Variants in HNF4A observed in about 807,000 individuals in gnomAD.
HNF4A encodes the protein hepatocyte nuclear factor 4-alpha.
HNF4A carries 15 observed loss-of-function variants against 52.4 expected under a neutral mutation model. The ratio of observed to expected loss-of-function variants is 0.29; its 90% CI spans 0.19 to 0.44. The LOEUF is 0.44. Among genes scored for constraint, HNF4A ranks in the 20% least tolerant of loss-of-function variants. The probability of loss-of-function intolerance (pLI) is 1.00; values close to 1 mark genes in which losing one functional copy is unlikely to be tolerated. For missense variants in HNF4A, 479 were observed against 647.2 expected, an observed-to-expected ratio of 0.74 and a Z score of 2.82; for synonymous variants, 280 against 264.4, an observed-to-expected ratio of 1.06 and a Z score of -0.57.
chr20:44,395,156 A>AAAGCTC lies in HNF4A; in HGVS notation c.50-10900_50-10895dup, dbSNP rs568068566. Among the ~76,000 whole-genome samples the AAAGCTC allele has an allele frequency of 8.0e-4, 122 of 152,340 alleles. 1 individual carries two copies. The highest frequency in any genetic ancestry group is 2.7e-3 in the African/African-American group (114 of 41,582). On this transcript the variant is annotated intron_variant, in intron 1 of 9. Coordinates refer to the HNF4A transcript ENST00000316673. ...AGTAGAAAGTGCTCGTTGTTAAGAC[A>AAAGCTC]AAGCTCACCCACCACCGCTGCGTGG...
chr20:44,423,272 C>T (rs1291611377), intron 7 of HNF4A, among the ~76,000 whole-genome samples: 3 of 152,016 alleles, frequency 2.0e-5, no homozygotes, highest in Non-Finnish European at 4.4e-5. Flanking sequence ...GCCGAGATCA[C>T]GCCACTGCAC....
Position 44,424,034 on chromosome 20 carries a change from C to T in HNF4A, c.909C>T (p.Ser303=), listed in dbSNP as rs757774160. The change falls in exon 8 of 10, where the codon AGC becomes AGT. Residue 303 remains serine, a synonymous_variant. Transcript: ENST00000316099. ...CCATTGTAGATGCCAAGGGGCTGAGCGATCCAGGGAAGATCAAGCGGCTGC... is the reference window on the plus strand; with the variant it reads ...CCATTGTAGATGCCAAGGGGCTGAGTGATCCAGGGAAGATCAAGCGGCTGC... 15 of 1,612,918 alleles carry T rather than the reference C, an allele frequency of 9.3e-6. No individual in the cohort carries two copies. Among genetic ancestry groups the T allele is most frequent in the African/African-American group, 5.3e-5 (4 of 74,896 alleles).
intron 1 of HNF4A, among the ~76,000 whole-genome samples, chr20:44,358,640 AAAAC>A (rs1253968340): frequency 6.6e-6 from 1 of 151,370 alleles, no homozygotes; most frequent in Non-Finnish European, 1.5e-5. Context: ...AAAAAAACAA[AAAAC>A]AAACAAAAAA....
At chr20:44,419,670 G>A in intron 6 of HNF4A, 51 bp from the exon 7 acceptor site, 1 of 1,589,944 alleles carries the variant, frequency 6.3e-7, no homozygotes. Context: ...CTAGAGGAGA[G>A]GGGTCAACCC....
intron 1 of HNF4A, among the ~76,000 whole-genome samples, chr20:44,392,379 T>G (rs2146307327): frequency 6.6e-6 from 1 of 152,294 alleles, no homozygotes; most frequent in Non-Finnish European, 1.5e-5. Context: ...AGGTTCAAAT[T>G]TGAAGCCCCC....
At chr20:44,391,875 C>G (rs2063306208) in intron 1 of HNF4A, 1 of 152,228 alleles carries the variant, frequency 6.6e-6, no homozygotes. Flanking sequence ...CAGGAGACAG[C>G]TGGAAGCAAG....
Position 44,379,375 on chromosome 20 carries a change from T to G in HNF4A, c.49+23522T>G, listed in dbSNP as rs527892885. ...TTCATTTTTTAGGAAGCCGCCATACTGCTTGCCACAGAAGCTGCACTATTT... is the reference window on the plus strand; with the variant it reads ...TTCATTTTTTAGGAAGCCGCCATACGGCTTGCCACAGAAGCTGCACTATTT... On this transcript the variant is annotated intron_variant, in intron 1 of 9. Transcript: ENST00000316673. 2.6e-5 allele frequency among the ~76,000 whole-genome samples: 4 copies of G among 152,212 alleles called. No individual in the cohort carries two copies. In the South Asian group the frequency reaches 8.3e-4, roughly 32 times the overall value.
At chr20:44,422,341 A>C (rs1028584) in intron 7 of HNF4A, among the ~76,000 whole-genome samples, 83,330 of 151,916 alleles carry the variant, frequency 0.55, 23,160 homozygotes, top group Middle Eastern at 0.67. Context: ...AGCAGCCTCC[A>C]GCAATTTGAA....
intron 1 of HNF4A, among the ~76,000 whole-genome samples, chr20:44,377,269 G>T (rs1047063491): frequency 3.3e-5 from 5 of 152,076 alleles, no homozygotes; most frequent in African/African-American, 1.2e-4. Context: ...GGAACAATAG[G>T]CACTGGAGAA....
intron 1 of HNF4A, among the ~76,000 whole-genome samples, chr20:44,394,572 C>T (rs1296302598): frequency 2.6e-5 from 4 of 152,198 alleles, no homozygotes; most frequent in African/African-American, 4.8e-5. Context: ...TCAAAGCTGC[C>T]GCTTCCCATC....
intron 1 of HNF4A, among the ~76,000 whole-genome samples, chr20:44,370,304 G>A (rs2063020735): frequency 6.6e-6 from 1 of 152,186 alleles, no homozygotes; most frequent in Admixed American, 6.5e-5. Context: ...TGGGATTACA[G>A]GCGTGAGCCA....
At position 44,363,610 on chromosome 20, in the gene HNF4A, T is replaced by A. The variant is rs2062940099; in HGVS notation, c.49+7757T>A. Among the ~76,000 whole-genome samples, 3 of 151,642 alleles carry A rather than the reference T, an allele frequency of 2.0e-5. 1 individual carries two copies. The South Asian group carries it at 6.2e-4, about 31-fold the overall frequency. On this transcript the variant is annotated intron_variant, in intron 1 of 9. Transcript: ENST00000316673. Reference sequence around the variant, plus strand: ...CATAGAAAGGGAGGGGACAGACCTATCCTCATCAGAGACCTGGGAGATGGC... The same window carrying A: ...CATAGAAAGGGAGGGGACAGACCTAACCTCATCAGAGACCTGGGAGATGGC...
chr20:44,387,895 GA>G (rs2063250530), intron 1 of HNF4A, among the ~76,000 whole-genome samples: 2 of 152,082 alleles, frequency 1.3e-5, no homozygotes, highest in Admixed American at 6.6e-5. Flanking sequence ...CAAAGATTGT[GA>G]CTTGCAAGAT....
chr20:44,410,587 T>A (rs775206147), intron 3 of HNF4A, among the ~76,000 whole-genome samples: 11 of 151,998 alleles, frequency 7.2e-5, no homozygotes, highest in Non-Finnish European at 1.6e-4. Flanking sequence ...TTTATTTCTT[T>A]TTCTTGATGA....
At position 44,419,860 on chromosome 20, in the gene HNF4A, C is replaced by T; in HGVS notation, c.876C>T (p.Ile292=). The T allele has an allele frequency of 6.2e-7, 1 of 1,614,144 alleles. No individual in the cohort carries two copies. The highest frequency in any genetic ancestry group is 8.5e-7 in the Non-Finnish European group (1 of 1,180,010). Residue 292 remains isoleucine, a synonymous_variant, in exon 7 of 10, where the codon ATC becomes ATT. Coordinates refer to ENST00000316099, the MANE Select transcript of HNF4A (RefSeq NM_000457.6). ...ATGAGTATGCCTACCTCAAAGCCAT[C>T]ATCTTCTTTGACCCAGGTACAGTGC...
intron 1 of HNF4A, among the ~76,000 whole-genome samples, chr20:44,383,522 A>G (rs2063180898): frequency 6.6e-6 from 1 of 151,956 alleles, no homozygotes; most frequent in South Asian, 2.1e-4. Context: ...GGGGATCCAA[A>G]AGATTGAGAA....
intron 3 of HNF4A, among the ~76,000 whole-genome samples, chr20:44,408,463 GCCTGTAATC>G (rs573524944): frequency 6.6e-6 from 1 of 152,180 alleles, no homozygotes; most frequent in South Asian, 2.1e-4. Flanking sequence ...AGTGAATCAG[GCCTGTAATC>G]CCAGCACTTT....
At position 44,428,409 on chromosome 20, in the gene HNF4A, GTCA is replaced by G. The variant is rs1568744793; in HGVS notation, c.1207_1209del (p.Ile403del). 1.2e-6 allele frequency: 2 copies of G among 1,614,130 alleles called. No individual in the cohort carries two copies. Among genetic ancestry groups the G allele is most frequent in the Admixed American group, 1.7e-5 (1 of 60,016 alleles). On this transcript the variant is annotated inframe_deletion, in exon 9 of 10. Coordinates refer to ENST00000316099, the MANE Select transcript of HNF4A (RefSeq NM_000457.6). The stretch of plus-strand genomic sequence containing the variant: ...GATGCAGGAACATATGGGAACCAAC[GTCA>G]TCGTTGCCAACACAATGCCCACTCA...
chr20:44,397,162 A>C (rs1296053821), upstream of HNF4A, among the ~76,000 whole-genome samples: 1 of 152,234 alleles, frequency 6.6e-6, no homozygotes, highest in African/African-American at 2.4e-5. Flanking sequence ...TTTTATAAGC[A>C]TAGAAATAAA....
Sources: gnomAD v4.1 joint callset for allele counts (sites outside exome capture counted in the v4.1 genomes callset) on GRCh38, gnomAD v4.1.1 for gene constraint, MANE v1.5 for transcripts, NCBI Gene and HGNC (gene_info 2026-07-23, HGNC 2026-07-21) for gene names.